Variants in EEFSEC observed in about 807,000 individuals in gnomAD.
EEFSEC encodes the protein eukaryotic elongation factor, selenocysteine-tRNA specific.
EEFSEC carries 43 observed loss-of-function variants against 42.1 expected under a neutral mutation model. The ratio of observed to expected loss-of-function variants is 1.02; its 90% CI spans 0.80 to 1.32. The LOEUF (loss-of-function observed/expected upper bound fraction) is 1.32. Ranked by LOEUF, EEFSEC falls within the 40% of genes most tolerant of loss-of-function variation. The pLI is 0.00. For synonymous variants in EEFSEC, 354 were observed against 339.1 expected, an observed-to-expected ratio of 1.04 and a Z score of -0.48; for missense variants, 745 against 803.6, an observed-to-expected ratio of 0.93 and a Z score of 0.88.
chr3:128,380,362 C>T (rs1340515340), intron 6 of EEFSEC, among the ~76,000 whole-genome samples: 4 of 152,198 alleles, frequency 2.6e-5, no homozygotes, highest in Non-Finnish European at 5.9e-5. Context: ...ATACAGAGTA[C>T]AGTAGACAGC....
At chr3:128,343,812 C>A (rs931696900) in intron 5 of EEFSEC, among the ~76,000 whole-genome samples, 2 of 152,196 alleles carry the variant, frequency 1.3e-5, no homozygotes, top group African/African-American at 2.4e-5. Flanking sequence ...CTATGTCCTT[C>A]CACCAACCTG....
intron 4 of EEFSEC, among the ~76,000 whole-genome samples, chr3:128,325,446 G>A (rs1241749134): frequency 6.6e-6 from 1 of 152,182 alleles, no homozygotes; most frequent in Non-Finnish European, 1.5e-5. Flanking sequence ...CAGGTGTCAG[G>A]TGGTGGTGAG....
chr3:128,230,036 CTTTTT>C (rs1156378748), intron 1 of EEFSEC, among the ~76,000 whole-genome samples: 2 of 148,250 alleles, frequency 1.3e-5, no homozygotes, highest in East Asian at 1.9e-4. Context: ...CTTTTCTTTT[CTTTTT>C]TCTTTTCCTT....
intron 4 of EEFSEC, among the ~76,000 whole-genome samples, chr3:128,284,598 C>T (rs1298556183): frequency 2.0e-5 from 3 of 152,314 alleles, no homozygotes; most frequent in African/African-American, 4.8e-5. Context: ...GGGAAAGCCT[C>T]TGCCCACTTG....
At chr3:128,371,194 C>T (rs2067649699) in intron 6 of EEFSEC, among the ~76,000 whole-genome samples, 1 of 152,070 alleles carries the variant, frequency 6.6e-6, no homozygotes, top group South Asian at 2.1e-4. Flanking sequence ...GGGGAGCCTC[C>T]TTGCTGTTCA....
intron 4 of EEFSEC, among the ~76,000 whole-genome samples, chr3:128,277,856 C>T (rs1160999772): frequency 6.6e-6 from 1 of 152,034 alleles, no homozygotes; most frequent in Admixed American, 6.5e-5. Context: ...TTCTCAGGTC[C>T]GAAGGAGGAG....
chr3:128,223,326 C>T (rs932170192), intron 1 of EEFSEC, among the ~76,000 whole-genome samples: 1 of 152,174 alleles, frequency 6.6e-6, no homozygotes, highest in African/African-American at 2.4e-5. Flanking sequence ...AAGAATAGTG[C>T]TTTCATGAAT....
intron 5 of EEFSEC, among the ~76,000 whole-genome samples, chr3:128,347,272 A>G (rs899238828): frequency 1.3e-5 from 2 of 152,188 alleles, no homozygotes; most frequent in African/African-American, 2.4e-5. Flanking sequence ...GAAAAAAAAA[A>G]AAGAAGAAGA....
intron 4 of EEFSEC, among the ~76,000 whole-genome samples, chr3:128,331,604 C>T (rs1388066118): frequency 6.6e-6 from 1 of 151,916 alleles, no homozygotes; most frequent in Non-Finnish European, 1.5e-5. Context: ...TCACTGAGCA[C>T]CTGGCTCACA....
chr3:128,381,990 C>T (rs1047305720), intron 6 of EEFSEC, among the ~76,000 whole-genome samples: 1 of 152,152 alleles, frequency 6.6e-6, no homozygotes, highest in Non-Finnish European at 1.5e-5. Flanking sequence ...TCCACTACCT[C>T]GGGACGGGAG....
intron 1 of EEFSEC, among the ~76,000 whole-genome samples, chr3:128,220,621 T>G (rs2065852442): frequency 6.6e-6 from 1 of 152,182 alleles, no homozygotes; most frequent in Non-Finnish European, 1.5e-5. Context: ...CATAGAGATG[T>G]TATGCCCTTC....
chr3:128,246,686 A>G lies in EEFSEC; in HGVS notation c.317-150A>G, dbSNP rs1293814297. 13 of 812,926 alleles carry G rather than the reference A, an allele frequency of 1.6e-5. No individual in the cohort carries two copies. In the East Asian group the frequency reaches 2.9e-4, roughly 18 times the overall value. The allele number at this position is 812,926 out of a possible 1,614,324, so 50.4% of individuals were successfully genotyped here. A position where few individuals can be genotyped will look rare whatever the true frequency, so the allele number is the denominator to read the frequency against. On this transcript the variant is annotated intron_variant, in intron 1 of 6. Transcript: ENST00000254730. The stretch of plus-strand genomic sequence containing the variant: ...TCTGAAGCTTCAGGTCCAAGTGCCT[A>G]GCACAGGGCCTGTAGCCAGAAGCTG...
chr3:128,165,981 A>T (rs1398610359), intron 1 of EEFSEC, among the ~76,000 whole-genome samples: 1 of 152,164 alleles, frequency 6.6e-6, no homozygotes, highest in Non-Finnish European at 1.5e-5. Context: ...GAGTTTCAGG[A>T]TCTTTCGCCA....
At chr3:128,182,183 T>A (rs1448930374) in intron 1 of EEFSEC, among the ~76,000 whole-genome samples, 2 of 152,218 alleles carry the variant, frequency 1.3e-5, no homozygotes, top group Non-Finnish European at 2.9e-5. Context: ...GATAATCAAG[T>A]TCCATGTTTG....
At chr3:128,327,144 A>G (rs2067072592) in intron 4 of EEFSEC, among the ~76,000 whole-genome samples, 1 of 152,106 alleles carries the variant, frequency 6.6e-6, no homozygotes, top group South Asian at 2.1e-4. Context: ...GTCCCCACTG[A>G]TGGACTTTCA....
intron 4 of EEFSEC, among the ~76,000 whole-genome samples, chr3:128,324,211 T>C (rs1466232773): frequency 1.3e-5 from 2 of 150,610 alleles, no homozygotes; most frequent in Non-Finnish European, 2.9e-5. Context: ...CAAGGGCAGT[T>C]AATTCCAAAC....
intron 4 of EEFSEC, among the ~76,000 whole-genome samples, chr3:128,304,893 A>G (rs1466068346): frequency 6.6e-6 from 1 of 152,058 alleles, no homozygotes; most frequent in Admixed American, 6.5e-5. Flanking sequence ...TTGTAGAAAC[A>G]AGGTTTCACC....
At chr3:128,316,147 G>T (rs142449743) in intron 4 of EEFSEC, among the ~76,000 whole-genome samples, 1 of 152,174 alleles carries the variant, frequency 6.6e-6, no homozygotes, top group Non-Finnish European at 1.5e-5. Flanking sequence ...TTCAAAGAGC[G>T]TGGTATTTAT....
chr3:128,403,255 A>C (rs1016121345), intron 6 of EEFSEC, among the ~76,000 whole-genome samples: 4 of 152,154 alleles, frequency 2.6e-5, no homozygotes, highest in Non-Finnish European at 5.9e-5. Flanking sequence ...AGGGATTGGC[A>C]ATGACAGCAG....
Sources: gnomAD v4.1 joint callset for allele counts (sites outside exome capture counted in the v4.1 genomes callset) on GRCh38, gnomAD v4.1.1 for gene constraint, MANE v1.5 for transcripts, NCBI Gene and HGNC (gene_info 2026-07-23, HGNC 2026-07-21) for gene names.